The following MCTP2 variants were observed in gnomAD, a reference collection of about 807,000 sequenced individuals.
MCTP2 encodes multiple C2 and transmembrane domain-containing protein 2.
MCTP2 carries 132 observed loss-of-function variants against 111.6 expected under a neutral mutation model. That is an observed-to-expected ratio of 1.18 (90% confidence interval 1.03 to 1.37). The LOEUF (loss-of-function observed/expected upper bound fraction) is 1.37. MCTP2 is among the 40% of genes most tolerant of loss of function. The pLI is 0.00. For synonymous variants in MCTP2, 395 were observed against 387.7 expected, an observed-to-expected ratio of 1.02 and a Z score of -0.22; for missense variants, 1,183 against 1,067.9, an observed-to-expected ratio of 1.11 and a Z score of -1.50.
At chr15:94,371,879 AT>A (rs1225654706) in intron 12 of MCTP2, among the ~76,000 whole-genome samples, 1 of 152,142 alleles carries the variant, frequency 6.6e-6, no homozygotes, top group Admixed American at 6.5e-5. Flanking sequence ...GAAAAACTTA[AT>A]TTATTTAGCC....
Position 94,367,773 on chromosome 15 carries a change from G to C in MCTP2, c.1470G>C (p.Lys490Asn). Residue 490 changes from lysine to asparagine, a missense_variant, in exon 11 of 23, where the codon AAG (lysine) becomes AAC (asparagine). Lys to Asn is a moderately conservative substitution (Grantham distance 94). Transcript: ENST00000357742. ...VCPLADLSER[K>N]QITQRYCLQN... is the part of the protein sequence containing the mutation. ...CCTTAGCAGACCTCAGCGAAAGAAA[G>C]CAGATTACCCAGCGATATGTGAGTG... is the stretch of plus-strand genomic sequence containing the variant. 1 of 1,602,488 alleles carries C rather than the reference G, an allele frequency of 6.2e-7. No homozygotes were observed. The highest frequency in any genetic ancestry group is 8.5e-7 in the Non-Finnish European group (1 of 1,174,990).
intron 17 of MCTP2, among the ~76,000 whole-genome samples, chr15:94,428,327 G>A (rs967976466): frequency 6.6e-5 from 10 of 152,074 alleles, no homozygotes; most frequent in Non-Finnish European, 1.0e-4. Context: ...TTCTACTGTC[G>A]TCTTGCTTTC....
At chr15:94,286,444 G>A (rs1283755845) in intron 1 of MCTP2, among the ~76,000 whole-genome samples, 2 of 151,950 alleles carry the variant, frequency 1.3e-5, no homozygotes, top group Admixed American at 1.3e-4. Context: ...AAAATATCCA[G>A]TAATGACACA....
chr15:94,314,406 G>T, intron 3 of MCTP2, 62 bp downstream of exon 3: 2 of 1,281,678 alleles, frequency 1.6e-6, no homozygotes, highest in Non-Finnish European at 2.2e-6. Context: ...CAAATGTTTG[G>T]GTTTGTATTT....
intron 8 of MCTP2, among the ~76,000 whole-genome samples, chr15:94,355,592 C>T (rs2078576487): frequency 6.6e-6 from 1 of 152,068 alleles, no homozygotes; most frequent in Non-Finnish European, 1.5e-5. Flanking sequence ...CTGCAAAGCT[C>T]ATTTGGCCAG....
chr15:94,294,126 T>C (rs1368453638), intron 1 of MCTP2, among the ~76,000 whole-genome samples: 1 of 152,196 alleles, frequency 6.6e-6, no homozygotes, highest in African/African-American at 2.4e-5. Flanking sequence ...AGTTATATAC[T>C]GTGTGATTCC....
At position 94,358,548 on chromosome 15, in the gene MCTP2, A is replaced by T. The variant is rs1429269060; in HGVS notation, c.1237A>T (p.Met413Leu). ...QFDFHYFSDRMGILDIEVWGK... is the reference protein window; with the variant it reads ...QFDFHYFSDRLGILDIEVWGK... ...TGACTTTCACTACTTCTCTGACAGGATGGGCATTTTGGACATTGAAGTGTG... is the reference window on the plus strand; with the variant it reads ...TGACTTTCACTACTTCTCTGACAGGTTGGGCATTTTGGACATTGAAGTGTG... Residue 413 changes from methionine (M) to leucine (L), a missense_variant, in exon 10 of 23, where the codon ATG becomes TTG. Coordinates refer to ENST00000357742, the MANE Select transcript of MCTP2 (RefSeq NM_001385001.1). 6.2e-7 allele frequency: 1 copy of T among 1,613,756 alleles called. No individual in the cohort carries two copies. Among genetic ancestry groups the T allele is most frequent in the Admixed American group, 1.7e-5 (1 of 59,978 alleles).
At chr15:94,353,187 C>T (rs1003716961) in intron 8 of MCTP2, among the ~76,000 whole-genome samples, 4 of 152,048 alleles carry the variant, frequency 2.6e-5, no homozygotes, top group South Asian at 2.1e-4. Flanking sequence ...GTTCAAAGTC[C>T]GACTGAGATA....
intron 21 of MCTP2, among the ~76,000 whole-genome samples, chr15:94,476,138 G>A (rs941719754): frequency 3.0e-4 from 45 of 152,264 alleles, no homozygotes; most frequent in African/African-American, 1.0e-3. Context: ...AGTTGGAGGT[G>A]GGGAAAGACA....
At chr15:94,388,720 C>G (rs2080674755) in intron 14 of MCTP2, among the ~76,000 whole-genome samples, 1 of 152,126 alleles carries the variant, frequency 6.6e-6, no homozygotes, top group Non-Finnish European at 1.5e-5. Flanking sequence ...GCTGAACCAT[C>G]AGTTCTCTAA....
intron 17 of MCTP2, among the ~76,000 whole-genome samples, chr15:94,423,125 A>C (rs1269219474): frequency 1.4e-4 from 21 of 152,202 alleles, no homozygotes; most frequent in Admixed American, 1.4e-3. Context: ...ATAATTAGTG[A>C]AATAGAGCCT....
intron 8 of MCTP2, among the ~76,000 whole-genome samples, chr15:94,354,894 A>G (rs193009765): frequency 1.3e-5 from 2 of 152,350 alleles, no homozygotes; most frequent in East Asian, 3.9e-4. Context: ...TGGAAGATAT[A>G]GCGAGCGATG....
intron 17 of MCTP2, among the ~76,000 whole-genome samples, chr15:94,437,851 G>A (rs2083563551): frequency 6.6e-6 from 1 of 151,880 alleles, no homozygotes; most frequent in South Asian, 2.1e-4. Context: ...GACAGAAGTA[G>A]CAATGTAGAT....
intron 21 of MCTP2, among the ~76,000 whole-genome samples, chr15:94,473,234 T>C (rs1437209283): frequency 1.3e-5 from 2 of 152,158 alleles, no homozygotes; most frequent in Non-Finnish European, 1.5e-5. Flanking sequence ...TTTTGACAGG[T>C]GAGATGCTTT....
chr15:94,425,662 A>G (rs573258229), intron 17 of MCTP2, among the ~76,000 whole-genome samples: 2 of 152,252 alleles, frequency 1.3e-5, no homozygotes, highest in East Asian at 1.9e-4. Flanking sequence ...AGCGTTTTCA[A>G]TGTACAAAGA....
At position 94,482,822 on chromosome 15, in the gene MCTP2, G is replaced by C. The variant is rs2074792166; in HGVS notation, c.*3788G>C. The C allele has an allele frequency of 6.6e-6, 1 of 152,238 alleles. No individual in the cohort carries two copies. Among genetic ancestry groups the C allele is most frequent in the African/African-American group, 2.4e-5 (1 of 41,456 alleles). The allele number at this position is 152,238 out of a possible 1,614,324, so 9.4% of individuals were successfully genotyped here. On this transcript the variant is annotated 3_prime_UTR_variant, in exon 23 of 23. Coordinates refer to ENST00000357742, the MANE Select transcript of MCTP2 (RefSeq NM_001385001.1). ...AGGAGAAAAACAGTAAGCATGGACT[G>C]TCCTAGAATTCAGTGGCAGAGCATA...
Position 94,453,868 on chromosome 15 carries a change from A to G in MCTP2, c.2251-4269A>G, listed in dbSNP as rs1392493825. Among the ~76,000 whole-genome samples, 5 of 152,362 alleles carry G rather than the reference A, an allele frequency of 3.3e-5. No individual in the cohort carries two copies. In the South Asian group the frequency reaches 8.3e-4, roughly 25 times the overall value. ...ACAGCTACTTTAAGAGGAAGTATCC[A>G]AGAAAATCATTTCTGAAAACATTAT... is the stretch of plus-strand genomic sequence containing the variant. On this transcript the variant is annotated intron_variant, in intron 19 of 22. Coordinates refer to ENST00000357742, the MANE Select transcript of MCTP2 (RefSeq NM_001385001.1).
intron 2 of MCTP2, among the ~76,000 whole-genome samples, chr15:94,301,577 A>G (rs1046996788): frequency 3.9e-5 from 6 of 152,368 alleles, no homozygotes; most frequent in Admixed American, 1.3e-4. Context: ...TGCCTTGCGC[A>G]TAGCACATAA....
At chr15:94,288,029 A>G (rs1340555400) in intron 1 of MCTP2, among the ~76,000 whole-genome samples, 1 of 152,188 alleles carries the variant, frequency 6.6e-6, no homozygotes, top group Middle Eastern at 3.2e-3. Context: ...TGGCAGCAAA[A>G]GCAGCTGGTG....
Sources: allele counts gnomAD v4.1 joint callset (sites outside exome capture counted in the v4.1 genomes callset), GRCh38; gene constraint gnomAD v4.1.1; transcripts MANE v1.5; gene names NCBI Gene and HGNC (gene_info 2026-07-23, HGNC 2026-07-21).